IQGAP1: variants seen among roughly 807,000 people sequenced by gnomAD.
The protein encoded by IQGAP1 is IQ motif containing GTPase activating protein 1.
In IQGAP1, 66 loss-of-function variants were observed where a neutral mutation model predicts 215.6. That is an observed-to-expected ratio of 0.31 (90% CI 0.25 to 0.38). The LOEUF is 0.38. Among genes scored for constraint, IQGAP1 ranks in the 10% least tolerant of loss-of-function variants. The pLI, the probability that IQGAP1 is intolerant of heterozygous loss-of-function variation, is 1.00. For synonymous variants in IQGAP1, 772 were observed against 728.7 expected, an observed-to-expected ratio of 1.06 and a Z score of -0.96; for missense variants, 1,712 against 1,997.1, an observed-to-expected ratio of 0.86 and a Z score of 2.72.
intron 15 of IQGAP1, among the ~76,000 whole-genome samples, chr15:90,458,422 T>C (rs936111452): frequency 4.6e-5 from 7 of 152,174 alleles, no homozygotes; most frequent in Non-Finnish European, 1.0e-4. Context: ...CTTCCCTTTT[T>C]AGATATGGAA....
intron 29 of IQGAP1, 119 bp from the exon 30 acceptor site, chr15:90,484,101 G>A (rs556017300): frequency 4.7e-6 from 4 of 848,068 alleles, no homozygotes; most frequent in South Asian, 1.7e-5. Flanking sequence ...ACTTTCTCTT[G>A]AAGTAACTGT....
At chr15:90,470,246 T>A (rs1965887315) in intron 18 of IQGAP1, among the ~76,000 whole-genome samples, 1 of 152,180 alleles carries the variant, frequency 6.6e-6, no homozygotes, top group East Asian at 1.9e-4. Flanking sequence ...TGATTCCTTC[T>A]TCATTTTCTC....
chr15:90,485,974 G>T, intron 30 of IQGAP1, 56 bp from the exon 31 acceptor site: 2 of 1,292,316 alleles, frequency 1.5e-6, no homozygotes, highest in South Asian at 1.2e-5. Context: ...ACATTCTAGG[G>T]AGGGACGGGC....
chr15:90,483,267 C>T, intron 28 of IQGAP1, 94 bp from the exon 29 acceptor site: 1 of 836,308 alleles, frequency 1.2e-6, no homozygotes, highest in Non-Finnish European at 2.0e-6. Flanking sequence ...CCTCATAGGA[C>T]TGCATTTTCT....
At chr15:90,392,111 CT>C (rs149329176) in intron 2 of IQGAP1, among the ~76,000 whole-genome samples, 23,855 of 152,058 alleles carry the variant, frequency 0.16, 2,049 homozygotes, top group South Asian at 0.22. Context: ...CATTTAAAGT[CT>C]TTTTTGTGCC....
chr15:90,409,319 C>A (rs1964924641), intron 2 of IQGAP1, among the ~76,000 whole-genome samples: 2 of 150,780 alleles, frequency 1.3e-5, no homozygotes, highest in East Asian at 3.9e-4. Flanking sequence ...TTCATTGCAA[C>A]CTCCACCTCC....
rs1966220439 is a variant in IQGAP1 at position 90,492,536 on chromosome 15, A to G, written c.4462-9A>G. The G allele has an allele frequency of 1.3e-6, 2 of 1,588,100 alleles. No individual in the cohort carries two copies. The highest frequency in any genetic ancestry group is 1.4e-5 in the African/African-American group (1 of 73,350). ...CGTTATTTTTCTAACTTTAATAATT[A>G]TGTCTCAGGATATTCGGAATCAGCG... is the stretch of plus-strand genomic sequence containing the variant. On this transcript the variant is annotated splice_polypyrimidine_tract_variant and intron_variant, in intron 34 of 37. Coordinates refer to ENST00000268182, the MANE Select transcript of IQGAP1 (RefSeq NM_003870.4).
chr15:90,471,295 T>G (rs2151031076), intron 18 of IQGAP1, among the ~76,000 whole-genome samples: 1 of 152,226 alleles, frequency 6.6e-6, no homozygotes, highest in South Asian at 2.1e-4. Flanking sequence ...AGCATGTGGC[T>G]TCCATTCTCA....
At position 90,470,161 on chromosome 15, in the gene IQGAP1, A is replaced by G. The variant is rs78263763; in HGVS notation, c.2178+2569A>G. Among the ~76,000 whole-genome samples, 58 of 152,288 alleles carry G rather than the reference A, an allele frequency of 3.8e-4. No homozygotes were observed. In the East Asian group the frequency reaches 8.9e-3, roughly 23 times the overall value. ...ACCTGACCTCTTACCTCTCCTGCCA[A>G]CAATAGTGGCGATCACATATAGATC... On this transcript the variant is annotated intron_variant, in intron 18 of 37. Coordinates refer to ENST00000268182, the MANE Select transcript of IQGAP1 (RefSeq NM_003870.4).
At chr15:90,497,466 A>G in intron 37 of IQGAP1, 126 bp downstream of exon 37, 1 of 595,060 alleles carries the variant, frequency 1.7e-6, no homozygotes, top group South Asian at 2.2e-5. Flanking sequence ...TAGGCTCCAC[A>G]CTGCGGGGAA....
chr15:90,484,756 A>G (rs1006287035), intron 30 of IQGAP1, among the ~76,000 whole-genome samples: 1 of 151,924 alleles, frequency 6.6e-6, no homozygotes, highest in Non-Finnish European at 1.5e-5. Context: ...TGATCTGCCC[A>G]CCTCGGCCCC....
intron 2 of IQGAP1, 122 bp downstream of exon 2, chr15:90,390,995 A>T: frequency 1.5e-6 from 1 of 659,640 alleles, no homozygotes; most frequent in Non-Finnish European, 2.8e-6. Context: ...ACACGTTGGG[A>T]GGCCGAGGTG....
intron 26 of IQGAP1, among the ~76,000 whole-genome samples, chr15:90,478,456 T>C (rs1371244693): frequency 6.6e-6 from 1 of 152,192 alleles, no homozygotes. Context: ...TCCTGCCCTC[T>C]CTTCATAGTT....
intron 8 of IQGAP1, among the ~76,000 whole-genome samples, chr15:90,442,723 C>CT (rs1567127598): frequency 6.6e-6 from 1 of 151,816 alleles, no homozygotes; most frequent in African/African-American, 2.4e-5. Flanking sequence ...AATCCCAGCA[C>CT]TTTGGGAGGC....
rs56724183 is a variant in IQGAP1 at position 90,492,419 on chromosome 15, TAAAAAAA to T, written c.4462-110_4462-104del. The T allele has an allele frequency of 2.4e-4, 90 of 371,090 alleles. No homozygotes were observed. The East Asian group carries it at 4.0e-3, about 17-fold the overall frequency. The allele number at this position is 371,090 out of a possible 1,614,324, so 23.0% of individuals were successfully genotyped here. ...ACTCGAGCCTGGGCAACAGAGTGTC[TAAAAAAA>T]AAAAAAAAAAAAAAAGTAGGTAGTC... is the stretch of plus-strand genomic sequence containing the variant. On this transcript the variant is annotated intron_variant, in intron 34 of 37. Coordinates refer to ENST00000268182, the MANE Select transcript of IQGAP1 (RefSeq NM_003870.4).
In IQGAP1 at chr15:90,466,003, A is replaced by G; in HGVS notation, c.1779A>G (p.Glu593=). ...ATTTTGCTTTTAATGATATGTAGGAAATCCAGGATGAGTCAGCTGTGTTAT... is the reference window on the plus strand; with the variant it reads ...ATTTTGCTTTTAATGATATGTAGGAGATCCAGGATGAGTCAGCTGTGTTAT... ...LIRAKREKAQ[E]IQDESAVLWL... is the part of the protein sequence containing the mutation. The change falls in exon 16 of 38, where the codon GAA becomes GAG. Residue 593 remains glutamate, a splice_region_variant and synonymous_variant. Transcript: ENST00000268182. 1 of 1,613,808 alleles carries G rather than the reference A, an allele frequency of 6.2e-7. No homozygotes were observed. Among genetic ancestry groups the G allele is most frequent in the Non-Finnish European group, 8.5e-7 (1 of 1,179,690 alleles).
chr15:90,474,491 C>G lies in IQGAP1; in HGVS notation c.2582C>G (p.Ala861Gly). Residue 861 changes from alanine (A) to glycine (G), a missense_variant, in exon 23 of 38, where the codon GCT (alanine) becomes GGT (glycine). Transcript: ENST00000268182. ...ARDDYKTLIN[A>G]EDPPMVVVRK... ...GATGCATACTTTCTGTCAGTCAATG[C>G]TGAGGATCCTCCTATGGTTGTGGTC... The G allele has an allele frequency of 6.2e-7, 1 of 1,613,304 alleles. No homozygotes were observed. The highest frequency in any genetic ancestry group is 1.3e-5 in the African/African-American group (1 of 75,008).
chr15:90,434,658 T>C (rs79961175), intron 5 of IQGAP1, among the ~76,000 whole-genome samples: 71 of 152,220 alleles, frequency 4.7e-4, no homozygotes, highest in African/African-American at 1.3e-3. Flanking sequence ...CTTATACAGG[T>C]TGAATATCCC....
chr15:90,495,965 C>G (rs964320338), intron 36 of IQGAP1, among the ~76,000 whole-genome samples: 8 of 150,360 alleles, frequency 5.3e-5, no homozygotes, highest in Middle Eastern at 7.0e-3. Context: ...TATTATAGGT[C>G]ATTATCTTCC....
Sources: allele counts gnomAD v4.1 joint callset (sites outside exome capture counted in the v4.1 genomes callset), GRCh38; gene constraint gnomAD v4.1.1; transcripts MANE v1.5; gene names NCBI Gene and HGNC (gene_info 2026-07-23, HGNC 2026-07-21).